The following GABRR2 variants were observed in gnomAD, a reference collection of about 807,000 sequenced individuals.
GABRR2 encodes gamma-aminobutyric acid type A receptor subunit rho2, also known as gamma-aminobutyric acid receptor subunit rho-2.
In GABRR2, 36 loss-of-function variants were observed where a neutral mutation model predicts 47.0. The ratio of observed to expected loss-of-function variants is 0.77; its 90% CI spans 0.59 to 1.01. The LOEUF (loss-of-function observed/expected upper bound fraction) is 1.01, where lower values mean the gene tolerates loss of function less well. Among genes scored for constraint, GABRR2 ranks in the 50% least tolerant of loss-of-function variants. GABRR2 has a pLI of 0.00. For missense variants in GABRR2, 587 were observed against 594.6 expected, an observed-to-expected ratio of 0.99 and a Z score of 0.13; for synonymous variants, 204 against 227.5, an observed-to-expected ratio of 0.90 and a Z score of 0.93.
chr6:89,257,768 T>C lies in GABRR2; in HGVS notation c.1300A>G (p.Ile434Val), dbSNP rs1773636482. 1.2e-6 allele frequency: 2 copies of C among 1,613,874 alleles called. No individual in the cohort carries two copies. The highest frequency in any genetic ancestry group is 1.3e-5 in the African/African-American group (1 of 74,936). ...TCAATGGCATGGGTATTCTGGAAGA[T>C]ACGAAAACCCGTCTGGCCCTTCAGA... Reference protein sequence around the residue: ...GLLKGQTGFRIFQNTHAIDKY... With the variant: ...GLLKGQTGFRVFQNTHAIDKY... Residue 434 changes from isoleucine to valine, a missense_variant, in exon 9 of 9, where the codon ATC becomes GTC. By Grantham distance (29) the Ile-to-Val change is conservative. Coordinates refer to ENST00000402938, the MANE Select transcript of GABRR2 (RefSeq NM_002043.5).
At chr6:89,302,994 C>A in intron 1 of GABRR2, 1 of 1,291,724 alleles carries the variant, frequency 7.7e-7, no homozygotes, top group Non-Finnish European at 1.1e-6. Flanking sequence ...TCACCGAGGC[C>A]AAGAGCAACA....
chr6:89,294,791 TC>T (rs1249583495), intron 2 of GABRR2, among the ~76,000 whole-genome samples: 1 of 77,684 alleles, frequency 1.3e-5, no homozygotes, highest in Non-Finnish European at 2.5e-5. Flanking sequence ...CCCTCCCCCC[TC>T]CCCCCACCCC....
chr6:89,295,104 T>C (rs1169112892), intron 2 of GABRR2, among the ~76,000 whole-genome samples: 1 of 152,124 alleles, frequency 6.6e-6, no homozygotes, highest in Non-Finnish European at 1.5e-5. Flanking sequence ...TAAACATACA[T>C]GTGCATGTGT....
chr6:89,262,642 A>G (rs894736542), intron 8 of GABRR2, among the ~76,000 whole-genome samples: 1 of 152,254 alleles, frequency 6.6e-6, no homozygotes, highest in African/African-American at 2.4e-5. Flanking sequence ...TTGAAAAGGC[A>G]ACATATTCTC....
At chr6:89,296,625 C>A (rs1261164247) in intron 2 of GABRR2, among the ~76,000 whole-genome samples, 1 of 152,224 alleles carries the variant, frequency 6.6e-6, no homozygotes, top group Non-Finnish European at 1.5e-5. Context: ...CAGGCAGGGG[C>A]AGGGAGCAGT....
chr6:89,268,362 T>C (rs919926464), intron 4 of GABRR2, among the ~76,000 whole-genome samples: 22 of 152,340 alleles, frequency 1.4e-4, no homozygotes, highest in Non-Finnish European at 2.8e-4. Context: ...AATGGCTCTC[T>C]CCTGTGCCTC....
intron 2 of GABRR2, among the ~76,000 whole-genome samples, chr6:89,279,168 C>T (rs1021138707): frequency 1.3e-5 from 2 of 152,218 alleles, no homozygotes; most frequent in African/African-American, 4.8e-5. Context: ...CGGCCTGGCC[C>T]TGCATCCCCT....
In GABRR2 at chr6:89,292,830, G is replaced by GTATATATCATATAT. The variant is rs1774492634; in HGVS notation, c.220+6928_220+6929insATATATGATATATA. 2.4e-4 allele frequency among the ~76,000 whole-genome samples: 2 copies of GTATATATCATATAT among 8,186 alleles called. 1 individual carries two copies. Among genetic ancestry groups the GTATATATCATATAT allele is most frequent in the East Asian group, 0.062 (2 of 32 alleles). 5.4% of individuals were successfully genotyped at this position (8,186 alleles called of 152,430 possible). On this transcript the variant is annotated intron_variant, in intron 2 of 8. Coordinates refer to ENST00000402938, the MANE Select transcript of GABRR2 (RefSeq NM_002043.5). Reference sequence around the variant, plus strand: ...GTATATACGATATATCGTATATATCGTATATACGATATATCGTATATATCA... The same window carrying GTATATATCATATAT: ...GTATATACGATATATCGTATATATCGTATATATCATATATTATATACGATATATCGTATATATCA...
At chr6:89,271,777 G>GTTCCCAGCCCAAA in intron 2 of GABRR2, 55 bp from the exon 3 acceptor site, 8 of 1,516,618 alleles carry the variant, frequency 5.3e-6, no homozygotes, top group Non-Finnish European at 6.3e-6. Flanking sequence ...CCTTTGGGCT[G>GTTCCCAGCCCAAA]GGAACAGCCC....
chr6:89,296,105 A>G (rs971876823), intron 2 of GABRR2, among the ~76,000 whole-genome samples: 1 of 152,218 alleles, frequency 6.6e-6, no homozygotes, highest in Non-Finnish European at 1.5e-5. Context: ...TCACCTGCAC[A>G]GAGTCACCTT....
At chr6:89,303,002 A>C (rs1240718043) in intron 1 of GABRR2, 10 of 1,287,454 alleles carry the variant, frequency 7.8e-6, no homozygotes, top group Non-Finnish European at 1.1e-5. Context: ...GCCAAGAGCA[A>C]CATGAATGAC....
At chr6:89,302,138 C>G (rs975333623) in intron 1 of GABRR2, 12 of 592,666 alleles carry the variant, frequency 2.0e-5, no homozygotes, top group Admixed American at 4.3e-5. Flanking sequence ...CCTGGATGTG[C>G]GGAAGAAGTG....
At chr6:89,264,278 A>G in intron 8 of GABRR2, 134 bp downstream of exon 8, 1 of 1,102,274 alleles carries the variant, frequency 9.1e-7, no homozygotes, top group Non-Finnish European at 1.3e-6. Flanking sequence ...CCTATTCTAA[A>G]ACAAGATCCT....
chr6:89,264,110 AC>A (rs1773818968), intron 8 of GABRR2, among the ~76,000 whole-genome samples: 1 of 152,184 alleles, frequency 6.6e-6, no homozygotes, highest in Admixed American at 6.5e-5. Flanking sequence ...TGTGACTCTT[AC>A]AGTAGAGGTG....
chr6:89,273,376 G>A (rs1367744078), intron 2 of GABRR2, among the ~76,000 whole-genome samples: 1 of 152,128 alleles, frequency 6.6e-6, no homozygotes, highest in Admixed American at 6.5e-5. Context: ...GGAATTACAG[G>A]CGCCTGCCAC....
chr6:89,275,016 A>T (rs985580788), intron 2 of GABRR2, among the ~76,000 whole-genome samples: 2 of 152,168 alleles, frequency 1.3e-5, no homozygotes, highest in Non-Finnish European at 2.9e-5. Flanking sequence ...ATGCTTAGCC[A>T]AGGGCTCTTC....
chr6:89,285,054 G>A (rs977995201), intron 2 of GABRR2, among the ~76,000 whole-genome samples: 3 of 152,162 alleles, frequency 2.0e-5, no homozygotes, highest in Non-Finnish European at 4.4e-5. Flanking sequence ...GGGCAGCCTT[G>A]CCCTTTTCCA....
At chr6:89,274,704 A>T (rs1324932197) in intron 2 of GABRR2, among the ~76,000 whole-genome samples, 1 of 151,960 alleles carries the variant, frequency 6.6e-6, no homozygotes, top group Non-Finnish European at 1.5e-5. Flanking sequence ...CTGTCTCTAC[A>T]GAAAATACAA....
At chr6:89,308,486 A>G (rs1183040569) in intron 1 of GABRR2, among the ~76,000 whole-genome samples, 1 of 152,174 alleles carries the variant, frequency 6.6e-6, no homozygotes, top group Admixed American at 6.5e-5. Flanking sequence ...ATAAAAAAAA[A>G]TTAAATAAAT....
Sources: allele counts gnomAD v4.1 joint callset (sites outside exome capture counted in the v4.1 genomes callset), GRCh38; gene constraint gnomAD v4.1.1; transcripts MANE v1.5; gene names NCBI Gene and HGNC (gene_info 2026-07-23, HGNC 2026-07-21).